ATXN7: variants seen among roughly 807,000 people sequenced by gnomAD.
ATXN7 encodes the protein ataxin-7.
Under a neutral mutation model 70.5 loss-of-function variants are expected in ATXN7, and 12 were observed. That is an observed-to-expected ratio of 0.17 (90% CI 0.11 to 0.28). The LOEUF (loss-of-function observed/expected upper bound fraction) is 0.28, where lower values mean the gene tolerates loss of function less well. Ranked by LOEUF, ATXN7 falls within the 10% of genes least tolerant of loss-of-function variation. ATXN7 has a pLI of 1.00. For missense variants in ATXN7, 1,256 were observed against 1,131.7 expected (o/e 1.11, Z -1.58); for synonymous variants, 498 against 448.7 (o/e 1.11, Z -1.39).
intron 5 of ATXN7, among the ~76,000 whole-genome samples, chr3:63,979,442 A>G (rs998069080): frequency 6.6e-6 from 1 of 152,222 alleles, no homozygotes; most frequent in Non-Finnish European, 1.5e-5. Context: ...GACAGGGAAA[A>G]AAAAGAAGGT....
intron 2 of ATXN7, chr3:63,900,650 G>A (rs916554317): frequency 6.6e-6 from 1 of 152,348 alleles, no homozygotes; most frequent in Admixed American, 6.5e-5. Context: ...AAACATGTTT[G>A]GCAGAATGCC....
intron 1 of ATXN7, among the ~76,000 whole-genome samples, chr3:63,882,909 G>C (rs1193476928): frequency 1.3e-5 from 2 of 152,162 alleles, no homozygotes; most frequent in Non-Finnish European, 2.9e-5. Flanking sequence ...AGTACTTAAA[G>C]AGCTCGTGGT....
At chr3:63,954,005 G>A (rs1239338723) in intron 5 of ATXN7, among the ~76,000 whole-genome samples, 1 of 152,100 alleles carries the variant, frequency 6.6e-6, no homozygotes, top group Non-Finnish European at 1.5e-5. Context: ...CTGTTGTTGG[G>A]TTAAGAGTCA....
intron 4 of ATXN7, among the ~76,000 whole-genome samples, chr3:63,925,965 T>A (rs1575905021): frequency 6.6e-6 from 1 of 152,138 alleles, no homozygotes. Context: ...ATTGTAGAAA[T>A]GAATTGGTGG....
At chr3:63,968,403 C>G (rs1314495907) in intron 5 of ATXN7, 1 of 157,194 alleles carries the variant, frequency 6.4e-6, no homozygotes, top group Non-Finnish European at 1.4e-5. Flanking sequence ...TTACATCTCT[C>G]TCTAAAAATG....
chr3:63,882,912 C>T (rs1702959272), intron 1 of ATXN7, among the ~76,000 whole-genome samples: 1 of 152,236 alleles, frequency 6.6e-6, no homozygotes, highest in African/African-American at 2.4e-5. Context: ...ACTTAAAGAG[C>T]TCGTGGTGTG....
chr3:63,921,164 T>C (rs1019607978), intron 4 of ATXN7, among the ~76,000 whole-genome samples: 3 of 152,230 alleles, frequency 2.0e-5, no homozygotes, highest in Non-Finnish European at 2.9e-5. Flanking sequence ...ATAAAGACCC[T>C]GCTAGCATGA....
At position 63,999,476 on chromosome 3, in the gene ATXN7, A is replaced by G. The variant is rs751048443; in HGVS notation, c.*9A>G. The G allele has an allele frequency of 4.3e-6, 7 of 1,614,024 alleles. No individual in the cohort carries two copies. The highest frequency in any genetic ancestry group is 5.9e-6 in the Non-Finnish European group (7 of 1,179,984). On this transcript the variant is annotated 3_prime_UTR_variant, in exon 13 of 13. Transcript: ENST00000674280. ...CAAAGGCACGTCCCTGACAGCTGAA[A>G]ATAGCACGGGGAGGAATAATGCGGA...
At chr3:63,915,647 G>T (rs1243627562) in intron 4 of ATXN7, among the ~76,000 whole-genome samples, 1 of 151,910 alleles carries the variant, frequency 6.6e-6, no homozygotes. Flanking sequence ...AATTGATCAT[G>T]TGAGTGAATC....
At chr3:63,901,289 C>G (rs1208212531) in intron 2 of ATXN7, 1 of 152,190 alleles carries the variant, frequency 6.6e-6, no homozygotes, top group African/African-American at 2.4e-5. Context: ...TATCTAGTCT[C>G]TTTGCAATTT....
At chr3:63,880,152 T>TA (rs1702868272) in intron 1 of ATXN7, among the ~76,000 whole-genome samples, 1 of 152,094 alleles carries the variant, frequency 6.6e-6, no homozygotes, top group African/African-American at 2.4e-5. Context: ...ATAACTTTAT[T>TA]GAGTTTTGAG....
chr3:63,879,546 C>G (rs200564548), intron 1 of ATXN7, among the ~76,000 whole-genome samples: 1 of 146,470 alleles, frequency 6.8e-6, no homozygotes, highest in South Asian at 2.2e-4. Flanking sequence ...AAATGAAGTA[C>G]AGTGGCGCGA....
chr3:63,935,870 G>T (rs1250312477), intron 4 of ATXN7, among the ~76,000 whole-genome samples: 1 of 152,074 alleles, frequency 6.6e-6, no homozygotes, highest in Non-Finnish European at 1.5e-5. Flanking sequence ...ACAAACTAAT[G>T]TCCAGATGCT....
intron 4 of ATXN7, among the ~76,000 whole-genome samples, chr3:63,930,454 C>T (rs1704904933): frequency 6.6e-6 from 1 of 152,170 alleles, no homozygotes; most frequent in South Asian, 2.1e-4. Context: ...CTGTCTATAT[C>T]TGGGCACTGT....
intron 4 of ATXN7, among the ~76,000 whole-genome samples, chr3:63,919,279 A>G (rs1241038530): frequency 2.0e-5 from 3 of 152,178 alleles, no homozygotes; most frequent in African/African-American, 7.2e-5. Context: ...TTGACTACAC[A>G]CAACAGAGAC....
chr3:63,981,213 A>T (rs1246450778), intron 6 of ATXN7, among the ~76,000 whole-genome samples: 3 of 152,178 alleles, frequency 2.0e-5, no homozygotes, highest in Non-Finnish European at 4.4e-5. Context: ...CTGTCAGGCT[A>T]TTCCAGGTAC....
chr3:63,931,007 C>G (rs1405131869), intron 4 of ATXN7, among the ~76,000 whole-genome samples: 1 of 152,154 alleles, frequency 6.6e-6, no homozygotes, highest in Non-Finnish European at 1.5e-5. Flanking sequence ...TAGAATGATG[C>G]TGTTTCAAAG....
intron 4 of ATXN7, among the ~76,000 whole-genome samples, chr3:63,944,132 A>G (rs1220299407): frequency 6.6e-6 from 1 of 152,158 alleles, no homozygotes; most frequent in East Asian, 1.9e-4. Flanking sequence ...TGAAATAGTC[A>G]GTTGCTAATT....
intron 4 of ATXN7, among the ~76,000 whole-genome samples, chr3:63,935,720 C>T (rs1274302267): frequency 6.6e-6 from 1 of 152,064 alleles, no homozygotes; most frequent in Non-Finnish European, 1.5e-5. Flanking sequence ...GGACAACAAA[C>T]AGTACAGTCT....
Sources: allele counts gnomAD v4.1 joint callset (sites outside exome capture counted in the v4.1 genomes callset), GRCh38; gene constraint gnomAD v4.1.1; transcripts MANE v1.5; gene names NCBI Gene and HGNC (gene_info 2026-07-23, HGNC 2026-07-21).